The following PPM1B variants were observed in gnomAD, a reference collection of about 807,000 sequenced individuals.
PPM1B encodes protein phosphatase 1B.
PPM1B carries 22 observed loss-of-function variants against 43.0 expected under a neutral mutation model. The ratio of observed to expected loss-of-function variants is 0.51; its 90% CI spans 0.37 to 0.73. The LOEUF (loss-of-function observed/expected upper bound fraction) is 0.73, where lower values mean the gene tolerates loss of function less well. Among genes scored for constraint, PPM1B ranks in the 30% least tolerant of loss-of-function variants. The probability of loss-of-function intolerance (pLI) is 0.00; values close to 1 mark genes in which losing one functional copy is unlikely to be tolerated. For missense variants in PPM1B, 632 were observed against 584.2 expected, an observed-to-expected ratio of 1.08 and a Z score of -0.84; for synonymous variants, 217 against 197.9, an observed-to-expected ratio of 1.10 and a Z score of -0.81.
At chr2:44,212,153 A>G (rs1021907132) in intron 3 of PPM1B, among the ~76,000 whole-genome samples, 1 of 152,094 alleles carries the variant, frequency 6.6e-6, no homozygotes, top group Non-Finnish European at 1.5e-5. Flanking sequence ...TGTTCTATTC[A>G]TTGTATTATC....
rs78537544 is a variant in PPM1B, at chr2:44,220,660, T to C, written c.1134+2123T>C. Among the ~76,000 whole-genome samples, 6 of 152,330 alleles carry C rather than the reference T, an allele frequency of 3.9e-5. No homozygotes were observed. The East Asian group carries it at 1.2e-3, about 29-fold the overall frequency. On this transcript the variant is annotated intron_variant, in intron 5 of 5. Coordinates refer to ENST00000282412, the MANE Select transcript of PPM1B (RefSeq NM_002706.6). ...TGTGTGTCTAGTGCAGCTTACACTGTAGTTATAAACACACCTTAAATGATC... is the reference window on the plus strand; with the variant it reads ...TGTGTGTCTAGTGCAGCTTACACTGCAGTTATAAACACACCTTAAATGATC...
intron 2 of PPM1B, among the ~76,000 whole-genome samples, chr2:44,204,085 A>C (rs1360910912): frequency 6.6e-6 from 1 of 152,226 alleles, no homozygotes; most frequent in Non-Finnish European, 1.5e-5. Flanking sequence ...TGTTAATGGA[A>C]GCTGACCATC....
chr2:44,242,068 C>G (rs1670759199), intron 5 of PPM1B, among the ~76,000 whole-genome samples: 1 of 151,740 alleles, frequency 6.6e-6, no homozygotes, highest in Non-Finnish European at 1.5e-5. Flanking sequence ...CAGTGTTAGC[C>G]AAGATGGTCT....
At chr2:44,180,844 G>T (rs559971283) in intron 1 of PPM1B, among the ~76,000 whole-genome samples, 1 of 152,000 alleles carries the variant, frequency 6.6e-6, no homozygotes, top group African/African-American at 2.4e-5. Flanking sequence ...ACGAATTAGG[G>T]TGGGAAAGGA....
intron 5 of PPM1B, among the ~76,000 whole-genome samples, chr2:44,242,602 T>C (rs1665935258): frequency 6.6e-6 from 1 of 152,228 alleles, no homozygotes; most frequent in African/African-American, 2.4e-5. Flanking sequence ...AGCTATGTTT[T>C]TCACTTTCTT....
intron 3 of PPM1B, among the ~76,000 whole-genome samples, chr2:44,214,497 A>G (rs1297608129): frequency 3.9e-5 from 6 of 152,018 alleles, no homozygotes; most frequent in Admixed American, 2.0e-4. Context: ...AGGGACCACT[A>G]TGATAGAATC....
intron 1 of PPM1B, among the ~76,000 whole-genome samples, chr2:44,199,926 A>G (rs868109704): frequency 6.6e-6 from 1 of 152,178 alleles, no homozygotes; most frequent in Non-Finnish European, 1.5e-5. Flanking sequence ...GTAAAGTTCA[A>G]TAATGATCAT....
At chr2:44,199,320 AAAAT>A (rs1558406293) in intron 1 of PPM1B, among the ~76,000 whole-genome samples, 12 of 98,776 alleles carry the variant, frequency 1.2e-4, no homozygotes, top group African/African-American at 4.7e-4. Context: ...AAAAAAAATA[AAAAT>A]AAAAAAAAAA....
rs111285626 is a variant in PPM1B at position 44,196,521 on chromosome 2, G to C, written c.-14-4665G>C. On this transcript the variant is annotated intron_variant, in intron 1 of 5. Coordinates refer to ENST00000282412, the MANE Select transcript of PPM1B (RefSeq NM_002706.6). The stretch of plus-strand genomic sequence containing the variant: ...CCACTGTAGAGTTATTCTCTCCCTC[G>C]TTTTCATTTTGTACTTTTTGAAAAG... Among the ~76,000 whole-genome samples the C allele has an allele frequency of 3.9e-5, 6 of 152,176 alleles. 1 individual carries two copies. The highest frequency in any genetic ancestry group is 1.4e-4 in the African/African-American group (6 of 41,544).
chr2:44,196,456 A>G (rs894256659), intron 1 of PPM1B, among the ~76,000 whole-genome samples: 1 of 152,212 alleles, frequency 6.6e-6, no homozygotes, highest in African/African-American at 2.4e-5. Context: ...GTTGATGTCA[A>G]GTTTGATTAC....
intron 2 of PPM1B, among the ~76,000 whole-genome samples, chr2:44,206,437 T>A (rs1326271339): frequency 6.6e-6 from 1 of 152,198 alleles, no homozygotes; most frequent in Non-Finnish European, 1.5e-5. Flanking sequence ...AGAAGCAACA[T>A]CACTGAAATC....
At chr2:44,187,940 C>T (rs1470628203) in intron 1 of PPM1B, among the ~76,000 whole-genome samples, 2 of 152,020 alleles carry the variant, frequency 1.3e-5, no homozygotes, top group African/African-American at 2.4e-5. Flanking sequence ...TTATTAGAGA[C>T]GGGGTTTCAC....
chr2:44,196,200 G>A (rs1344231978), intron 1 of PPM1B, among the ~76,000 whole-genome samples: 6 of 152,136 alleles, frequency 3.9e-5, no homozygotes, highest in Non-Finnish European at 7.4e-5. Flanking sequence ...GATGTACCAC[G>A]TTACATTTAG....
intron 3 of PPM1B, among the ~76,000 whole-genome samples, chr2:44,212,931 T>A (rs1669546622): frequency 6.7e-6 from 1 of 149,336 alleles, no homozygotes; most frequent in Non-Finnish European, 1.5e-5. Context: ...GAGAATGGTG[T>A]GAACCTGGGA....
At chr2:44,218,163 C>T in intron 4 of PPM1B, 85 bp downstream of exon 4, 1 of 984,194 alleles carries the variant, frequency 1.0e-6, no homozygotes, top group Non-Finnish European at 1.6e-6. Flanking sequence ...ATCAGAAGTA[C>T]ATCAATTATC....
At chr2:44,173,053 G>A (rs778464754) in intron 1 of PPM1B, among the ~76,000 whole-genome samples, 2 of 152,154 alleles carry the variant, frequency 1.3e-5, no homozygotes, top group African/African-American at 2.4e-5. Flanking sequence ...GGTGGCTCAC[G>A]CCCATAATCC....
chr2:44,183,236 C>T (rs895062503), intron 1 of PPM1B, among the ~76,000 whole-genome samples: 1 of 152,208 alleles, frequency 6.6e-6, no homozygotes, highest in Admixed American at 6.5e-5. Context: ...AAAACCTCTG[C>T]TGTGACCACC....
intron 1 of PPM1B, among the ~76,000 whole-genome samples, chr2:44,199,428 T>C (rs1363201021): frequency 1.3e-5 from 2 of 151,834 alleles, no homozygotes; most frequent in African/African-American, 4.8e-5. Flanking sequence ...GAGGCAGAGG[T>C]TACAGTGAGA....
chr2:44,211,167 A>T (rs924446142), intron 3 of PPM1B, among the ~76,000 whole-genome samples: 1 of 152,162 alleles, frequency 6.6e-6, no homozygotes, highest in Non-Finnish European at 1.5e-5. Flanking sequence ...TAACGTTGAT[A>T]CAATATTACT....
Sources: gnomAD v4.1 joint callset for allele counts (sites outside exome capture counted in the v4.1 genomes callset) on GRCh38, gnomAD v4.1.1 for gene constraint, MANE v1.5 for transcripts, NCBI Gene and HGNC (gene_info 2026-07-23, HGNC 2026-07-21) for gene names.